Variants in TMEM260 observed in about 807,000 individuals in gnomAD.
The protein encoded by TMEM260 is transmembrane protein 260.
TMEM260 carries 82 observed loss-of-function variants against 88.9 expected under a neutral mutation model. The ratio of observed to expected loss-of-function variants is 0.92; its 90% CI spans 0.77 to 1.11. The LOEUF (loss-of-function observed/expected upper bound fraction) is 1.11, where lower values mean the gene tolerates loss of function less well. TMEM260 is among the 50% of genes least tolerant of loss of function. The pLI, the probability that TMEM260 is intolerant of heterozygous loss-of-function variation, is 0.00. For synonymous variants in TMEM260, 314 were observed against 309.3 expected (o/e 1.02, Z -0.16); for missense variants, 902 against 853.4 (o/e 1.06, Z -0.71).
chr14:56,629,525 T>A (rs1169583779), intron 12 of TMEM260, among the ~76,000 whole-genome samples: 1 of 152,212 alleles, frequency 6.6e-6, no homozygotes, highest in Non-Finnish European at 1.5e-5. Flanking sequence ...CCAGATCTGT[T>A]GTTCTTTCTT....
chr14:56,603,967 C>T lies in TMEM260; in HGVS notation c.497C>T (p.Ala166Val). 2 of 1,593,770 alleles carry T rather than the reference C, an allele frequency of 1.3e-6. No homozygotes were observed. The highest frequency in any genetic ancestry group is 1.7e-6 in the Non-Finnish European group (2 of 1,173,272). Residue 166 changes from alanine (A) to valine (V), a missense_variant, in exon 4 of 16, where the codon GCA becomes GTA. By Grantham distance (64) the Ala-to-Val change is moderately conservative. Coordinates refer to ENST00000261556, the MANE Select transcript of TMEM260 (RefSeq NM_017799.4). ...GCTCTTACTGTACATTTTGAGGAAGCAGCAACTGCTAAGGAGAGATCAAAG... is the reference window on the plus strand; with the variant it reads ...GCTCTTACTGTACATTTTGAGGAAGTAGCAACTGCTAAGGAGAGATCAAAG... The part of the protein sequence containing the change: ...LMALTVHFEE[A>V]ATAKERSKVA...
chr14:56,632,474 GAGAA>G (rs1170897311), intron 12 of TMEM260, among the ~76,000 whole-genome samples: 1 of 152,150 alleles, frequency 6.6e-6, no homozygotes, highest in African/African-American at 2.4e-5. Flanking sequence ...TGGGAAAGGA[GAGAA>G]AGAAAAAGAC....
rs754485638 is a variant in TMEM260 at position 56,580,013 on chromosome 14, C to T, written c.99C>T (p.Phe33=). ...SGGIRGGVAV[F]AAVAAVFTFT... Reference sequence around the variant, plus strand: ...GCATCCGCGGCGGCGTGGCGGTGTTCGCCGCCGTGGCCGCAGTGTTCACCT... The same window carrying T: ...GCATCCGCGGCGGCGTGGCGGTGTTTGCCGCCGTGGCCGCAGTGTTCACCT... Residue 33 remains phenylalanine, a synonymous_variant, in exon 1 of 16, where the codon TTC becomes TTT. Coordinates refer to ENST00000261556, the MANE Select transcript of TMEM260 (RefSeq NM_017799.4). The T allele has an allele frequency of 3.2e-6, 4 of 1,247,768 alleles. No individual in the cohort carries two copies. In the African/African-American group the frequency reaches 4.7e-5, roughly 15 times the overall value. The allele number at this position is 1,247,768 out of a possible 1,614,324, so 77.3% of individuals were successfully genotyped here.
At chr14:56,662,186 T>C in the TMEM260 span, among the ~76,000 whole-genome samples, 1 of 152,236 alleles carries the variant, frequency 6.6e-6, no homozygotes, top group East Asian at 1.9e-4. Flanking sequence ...GCTACTTTTC[T>C]TGTCTAAACA....
chr14:56,591,162 C>A (rs1454870330), intron 3 of TMEM260, among the ~76,000 whole-genome samples: 1 of 152,154 alleles, frequency 6.6e-6, no homozygotes, highest in Admixed American at 6.5e-5. Flanking sequence ...CGAGATTTTG[C>A]CACTGGAACT....
chr14:56,646,015 A>C (rs1383446071), intron 15 of TMEM260, among the ~76,000 whole-genome samples: 2 of 152,180 alleles, frequency 1.3e-5, no homozygotes, highest in Non-Finnish European at 2.9e-5. Flanking sequence ...GCTGGTCTCC[A>C]ACTCCTGATC....
the TMEM260 span, among the ~76,000 whole-genome samples, chr14:56,657,397 C>T: frequency 6.6e-6 from 1 of 152,186 alleles, no homozygotes; most frequent in Non-Finnish European, 1.5e-5. Context: ...TCACCTCAGC[C>T]TCCTAAAAGT....
intron 3 of TMEM260, among the ~76,000 whole-genome samples, chr14:56,600,231 C>G (rs535684270): frequency 2.8e-4 from 43 of 152,256 alleles, no homozygotes; most frequent in African/African-American, 9.9e-4. Flanking sequence ...TATGTATGGA[C>G]GTACACATGA....
rs530190116 is a variant in TMEM260, at chr14:56,583,715, T to C, written c.161-1286T>C. Reference sequence around the variant, plus strand: ...GGAAAGGTTACCAAGAAGGTGGCAATTGAACTTGGCCTTGAAGGATTTAGG... The same window carrying C: ...GGAAAGGTTACCAAGAAGGTGGCAACTGAACTTGGCCTTGAAGGATTTAGG... On this transcript the variant is annotated intron_variant, in intron 1 of 15. Coordinates refer to ENST00000261556, the MANE Select transcript of TMEM260 (RefSeq NM_017799.4). Among the ~76,000 whole-genome samples, 16 of 151,942 alleles carry C rather than the reference T, an allele frequency of 1.1e-4. No individual in the cohort carries two copies. The East Asian group carries it at 3.1e-3, about 30-fold the overall frequency.
At chr14:56,593,036 GAA>G (rs1402323879) in intron 3 of TMEM260, 1 of 152,198 alleles carries the variant, frequency 6.6e-6, no homozygotes, top group Non-Finnish European at 1.5e-5. Context: ...GTAGTGGAAA[GAA>G]AAATATACCT....
At chr14:56,660,804 T>C in the TMEM260 span, among the ~76,000 whole-genome samples, 6 of 152,176 alleles carry the variant, frequency 3.9e-5, no homozygotes, top group Non-Finnish European at 7.3e-5. Flanking sequence ...CGCTCTCTCT[T>C]CTCTACCTGT....
rs369755785 is a variant in TMEM260, at chr14:56,612,199, G to A, written c.817-46G>A. 137 of 1,520,178 alleles carry A rather than the reference G, an allele frequency of 9.0e-5. No homozygotes were observed. In the African/African-American group the frequency reaches 1.3e-3, roughly 14 times the overall value. The allele number at this position is 1,520,178 out of a possible 1,614,324, so 94.2% of individuals were successfully genotyped here. Reference sequence around the variant, plus strand: ...TTAAAATACAATAGCCTAATAAAGCGTCAGTTTAATGCTTGTGCAGATAAA... The same window carrying A: ...TTAAAATACAATAGCCTAATAAAGCATCAGTTTAATGCTTGTGCAGATAAA... On this transcript the variant is annotated intron_variant, in intron 6 of 15. Transcript: ENST00000261556.
chr14:56,634,513 C>G (rs567617946), intron 13 of TMEM260, among the ~76,000 whole-genome samples: 8 of 152,236 alleles, frequency 5.3e-5, no homozygotes, highest in Admixed American at 3.9e-4. Flanking sequence ...TTGGCCTTGT[C>G]AGATGATAAA....
intron 6 of TMEM260, among the ~76,000 whole-genome samples, chr14:56,610,473 A>T (rs1566547516): frequency 6.6e-6 from 1 of 151,918 alleles, no homozygotes; most frequent in South Asian, 2.1e-4. Context: ...CGATCTCCTG[A>T]CCTCGTGATC....
chr14:56,614,826 G>C (rs1441312598), intron 7 of TMEM260, among the ~76,000 whole-genome samples: 2 of 152,092 alleles, frequency 1.3e-5, no homozygotes, highest in Non-Finnish European at 2.9e-5. Context: ...AGGTGGGCAG[G>C]AACATTGAAA....
chr14:56,625,340 A>C, intron 11 of TMEM260, 42 bp from the exon 12 acceptor site: 5 of 1,590,912 alleles, frequency 3.1e-6, no homozygotes, highest in Non-Finnish European at 4.3e-6. Context: ...CTTTCTAAGA[A>C]ATATATTAAA....
chr14:56,633,362 A>C, intron 13 of TMEM260, 191 bp downstream of exon 13: 2 of 465,508 alleles, frequency 4.3e-6, no homozygotes, highest in Admixed American at 3.8e-5. Flanking sequence ...TTACAGAACA[A>C]TGGGGAGAGA....
chr14:56,588,925 A>G (rs999789808), intron 3 of TMEM260, among the ~76,000 whole-genome samples: 1 of 152,056 alleles, frequency 6.6e-6, no homozygotes, highest in African/African-American at 2.4e-5. Context: ...ATAGCATAAT[A>G]TTTAAAATGC....
chr14:56,592,921 G>A (rs1885955207), intron 3 of TMEM260, among the ~76,000 whole-genome samples: 1 of 152,170 alleles, frequency 6.6e-6, no homozygotes, highest in African/African-American at 2.4e-5. Context: ...TGAATTTTAT[G>A]AGGCATGTCA....
Sources: allele counts gnomAD v4.1 joint callset (sites outside exome capture counted in the v4.1 genomes callset), GRCh38; gene constraint gnomAD v4.1.1; transcripts MANE v1.5; gene names NCBI Gene and HGNC (gene_info 2026-07-23, HGNC 2026-07-21).